ANKFY1: variants seen among roughly 807,000 people sequenced by gnomAD.
ANKFY1 encodes ankyrin repeat and FYVE domain-containing protein 1.
A neutral mutation model predicts 128.3 loss-of-function variants in ANKFY1; 47 were observed. That is an observed-to-expected ratio of 0.37 (90% CI 0.29 to 0.47). ANKFY1 has a LOEUF of 0.47. ANKFY1 is among the 20% of genes least tolerant of loss of function. The pLI is 1.00. For synonymous variants in ANKFY1, 553 were observed against 601.6 expected (o/e 0.92, Z 1.18); for missense variants, 1,222 against 1,510.6 (o/e 0.81, Z 3.17).
At position 4,169,229 on chromosome 17, in the gene ANKFY1, T is replaced by C; in HGVS notation, c.3346A>G (p.Arg1116Gly). 1 of 1,552,948 alleles carries C rather than the reference T, an allele frequency of 6.4e-7. No individual in the cohort carries two copies. Among genetic ancestry groups the C allele is most frequent in the Non-Finnish European group, 8.7e-7 (1 of 1,147,824 alleles). Residue 1116 changes from arginine to glycine, a missense_variant, in exon 24 of 25, where the codon AGG (arginine) becomes GGG (glycine). Transcript: ENST00000341657. This position sits in a 1 kb window ranked among gnomAD's most constrained non-coding sequence, Gnocchi z 5.0. Reference protein sequence around the residue: ...DGSYCYECTARFGVTTRKHHC... With the variant: ...DGSYCYECTAGFGVTTRKHHC... ...TGTTTGCGAGTGGTGACTCCGAACC[T>C]GGCAGTGCACTCATAGCAGTAGGAG...
intron 20 of ANKFY1, 65 bp downstream of exon 20, chr17:4,173,844 G>A (rs1327327071): frequency 1.3e-6 from 2 of 1,561,962 alleles, no homozygotes; most frequent in Non-Finnish European, 1.7e-6. Flanking sequence ...ACCCAAGGGT[G>A]CACTGCACCC....
chr17:4,207,159 T>A (rs1386913955), intron 6 of ANKFY1, among the ~76,000 whole-genome samples: 1 of 149,980 alleles, frequency 6.7e-6, no homozygotes, highest in Non-Finnish European at 1.5e-5. Flanking sequence ...GCCCGACCCG[T>A]CTAACCACAG....
At chr17:4,176,512 C>T (rs186825950) in intron 19 of ANKFY1, among the ~76,000 whole-genome samples, 3 of 152,330 alleles carry the variant, frequency 2.0e-5, no homozygotes, top group African/African-American at 7.2e-5. Context: ...ACCCCACGAT[C>T]TGCTTTCTTC....
At chr17:4,205,631 A>C (rs1470974303) in intron 7 of ANKFY1, among the ~76,000 whole-genome samples, 1 of 152,064 alleles carries the variant, frequency 6.6e-6, no homozygotes, top group Non-Finnish European at 1.5e-5. Flanking sequence ...AGTCCCAGCT[A>C]CTGGGGAGGC....
chr17:4,180,042 C>A (rs1205908449), intron 16 of ANKFY1, 165 bp from the exon 17 acceptor site: 6 of 835,560 alleles, frequency 7.2e-6, no homozygotes, highest in Non-Finnish European at 7.4e-6. Flanking sequence ...CGGGGTTCCA[C>A]TCCCATAGAT....
chr17:4,263,085 T>C (rs920737905), intron 1 of ANKFY1, among the ~76,000 whole-genome samples: 9 of 152,160 alleles, frequency 5.9e-5, no homozygotes, highest in Non-Finnish European at 1.2e-4. Context: ...TCCAACAATG[T>C]CCCTGCACGA....
intron 7 of ANKFY1, among the ~76,000 whole-genome samples, chr17:4,198,263 G>A (rs1203847446): frequency 6.6e-6 from 1 of 151,836 alleles, no homozygotes; most frequent in East Asian, 1.9e-4. Context: ...CCTGACCACA[G>A]CTTGTACCTA....
At chr17:4,173,307 G>A (rs1485773720) in intron 21 of ANKFY1, 47 bp downstream of exon 21, 2 of 1,575,770 alleles carry the variant, frequency 1.3e-6, no homozygotes, top group East Asian at 2.2e-5. Flanking sequence ...GCAGCTCTGA[G>A]CAGCAGGCCA....
Position 4,235,845 on chromosome 17 carries a change from C to T in ANKFY1, c.249G>A (p.Lys83=), listed in dbSNP as rs769928002. Residue 83 remains lysine, a synonymous_variant, in exon 3 of 25, where the codon AAG becomes AAA. Coordinates refer to ENST00000341657, the MANE Select transcript of ANKFY1 (RefSeq NM_001330063.2). ...KVGDRHISAH[K]FVLAARSDSW... ...TGTCACTGCGGGCTGCCAGGACAAA[C>T]TTGTGAGCACTGATGTGCCTGTCCC... 1.4e-5 allele frequency: 23 copies of T among 1,614,186 alleles called. No homozygotes were observed. The South Asian group carries it at 2.2e-4, about 15-fold the overall frequency.
At chr17:4,217,594 G>A (rs1268829783) in intron 3 of ANKFY1, among the ~76,000 whole-genome samples, 2 of 152,182 alleles carry the variant, frequency 1.3e-5, no homozygotes, top group East Asian at 1.9e-4. Flanking sequence ...CTAAACTTTC[G>A]CAGTGGGCAG....
Position 4,184,761 on chromosome 17 carries a change from G to T in ANKFY1, c.1699+57C>A, listed in dbSNP as rs113586190. On this transcript the variant is annotated intron_variant, in intron 12 of 24. Coordinates refer to ENST00000341657, the MANE Select transcript of ANKFY1 (RefSeq NM_001330063.2). ...GAAAAAACATCAACTCTGTAACTAA[G>T]GATCCTAAACTGCTGTCCCCAAGTC... 1.6e-3 allele frequency: 2,505 copies of T among 1,551,772 alleles called. 32 individuals carry two copies. The African/African-American group carries it at 0.03, about 19-fold the overall frequency.
At chr17:4,235,701 G>A (rs2143291320) in intron 3 of ANKFY1, 71 bp downstream of exon 3, 1 of 1,019,588 alleles carries the variant, frequency 9.8e-7, no homozygotes, top group Non-Finnish European at 1.5e-6. Context: ...ATTTCAAAAT[G>A]AGACACCACA....
chr17:4,170,597 G>A, intron 23 of ANKFY1, 118 bp downstream of exon 23: 3 of 1,402,434 alleles, frequency 2.1e-6, no homozygotes, highest in Non-Finnish European at 2.9e-6. Context: ...CTACTGCCAG[G>A]AAACGAGCGG....
intron 3 of ANKFY1, among the ~76,000 whole-genome samples, chr17:4,218,095 T>A (rs1295076608): frequency 1.3e-5 from 2 of 152,236 alleles, no homozygotes; most frequent in Non-Finnish European, 2.9e-5. Flanking sequence ...AGATAAATAA[T>A]GGCTAGTAAA....
chr17:4,200,880 A>G (rs941080629), intron 7 of ANKFY1, among the ~76,000 whole-genome samples: 5 of 152,120 alleles, frequency 3.3e-5, no homozygotes, highest in African/African-American at 4.8e-5. Flanking sequence ...CTTCGACTAC[A>G]TATCTACAGT....
rs996081935 is a variant in ANKFY1 at position 4,212,583 on chromosome 17, A to T, written c.459-2636T>A. On this transcript the variant is annotated intron_variant, in intron 4 of 24. Transcript: ENST00000341657. ...TTACTAAGGAAAAATCACAAAAGGA[A>T]ATCACTTAATTTTAATAATCCACAT... Among the ~76,000 whole-genome samples, 12 of 152,320 alleles carry T rather than the reference A, an allele frequency of 7.9e-5. No homozygotes were observed. In the South Asian group the frequency reaches 2.1e-3, roughly 26 times the overall value.
intron 11 of ANKFY1, chr17:4,186,710 C>T (rs578009276): frequency 4.6e-6 from 3 of 655,626 alleles, no homozygotes; most frequent in East Asian, 2.7e-4. Flanking sequence ...CTGCTCCTCC[C>T]GCTCCTCTAC....
At chr17:4,208,793 G>A (rs1182083348) in intron 5 of ANKFY1, among the ~76,000 whole-genome samples, 2 of 152,170 alleles carry the variant, frequency 1.3e-5, no homozygotes, top group African/African-American at 4.8e-5. Context: ...AGTGGCTCAC[G>A]CCTGTACTCC....
chr17:4,248,484 G>A (rs546023768), intron 1 of ANKFY1, among the ~76,000 whole-genome samples: 71 of 152,324 alleles, frequency 4.7e-4, no homozygotes, highest in African/African-American at 1.6e-3. Context: ...AAAGATTGGG[G>A]ACCACTGTCA....
Sources: gnomAD v4.1 joint callset for allele counts (sites outside exome capture counted in the v4.1 genomes callset) on GRCh38, gnomAD v4.1.1 for gene constraint, Gnocchi (gnomAD v3.1) non-coding constraint, MANE v1.5 for transcripts, NCBI Gene and HGNC (gene_info 2026-07-23, HGNC 2026-07-21) for gene names.